The following ZNF207 variants were observed in gnomAD, a reference collection of about 807,000 sequenced individuals.
The protein encoded by ZNF207 is zinc finger protein 207, also known as BUB3-interacting and GLEBS motif-containing protein ZNF207.
ZNF207 carries 24 observed loss-of-function variants against 60.2 expected under a neutral mutation model. That is an observed-to-expected ratio of 0.40 (90% CI 0.29 to 0.56). The LOEUF (loss-of-function observed/expected upper bound fraction) is 0.56, where lower values mean the gene tolerates loss of function less well. Ranked by LOEUF, ZNF207 falls within the 20% of genes least tolerant of loss-of-function variation. ZNF207 has a pLI of 0.49. For missense variants in ZNF207, 452 were observed against 636.6 expected, an observed-to-expected ratio of 0.71 and a Z score of 3.12; for synonymous variants, 236 against 194.7, an observed-to-expected ratio of 1.21 and a Z score of -1.77.
intron 9 of ZNF207, among the ~76,000 whole-genome samples, chr17:32,367,282 T>TATATATATAAA (rs1445385221): frequency 4.8e-5 from 4 of 82,860 alleles, no homozygotes; most frequent in Non-Finnish European, 6.5e-5. Flanking sequence ...TATATATATA[T>TATATATATAAA]ATAAAGAATA....
In ZNF207 at chr17:32,354,258, T is replaced by C. The variant is rs1215710206; in HGVS notation, c.168+2346T>C. Reference sequence around the variant, plus strand: ...GCCTCCCAAAGTGCTGGAATTACAGTTGTGAGCCACTGAGCCCGGCCATTT... The same window carrying C: ...GCCTCCCAAAGTGCTGGAATTACAGCTGTGAGCCACTGAGCCCGGCCATTT... On this transcript the variant is annotated intron_variant, in intron 2 of 11. Coordinates refer to ENST00000394670, the MANE Select transcript of ZNF207 (RefSeq NM_001098507.2). Among the ~76,000 whole-genome samples the C allele has an allele frequency of 2.0e-5, 3 of 151,400 alleles. No individual in the cohort carries two copies. The East Asian group carries it at 5.8e-4, about 30-fold the overall frequency.
At chr17:32,351,756 C>T in intron 1 of ZNF207, 30 bp from the exon 2 acceptor site, 7 of 1,608,264 alleles carry the variant, frequency 4.4e-6, no homozygotes, top group Non-Finnish European at 4.2e-6. Flanking sequence ...CATCATTAGG[C>T]TGTCTTTGTG....
In ZNF207 at chr17:32,381,074, C is replaced by A. The variant is rs1051188733; in HGVS notation, c.*11315C>A. ...TAAAGTCAAGTGTTCAATTACTACA[C>A]CAGGAAAGATTGATTATTTCTGAGG... On this transcript the variant is annotated 3_prime_UTR_variant, in exon 12 of 12. Coordinates refer to ENST00000394670, the MANE Select transcript of ZNF207 (RefSeq NM_001098507.2). The A allele has an allele frequency of 2.6e-5, 4 of 152,122 alleles. No individual in the cohort carries two copies. Among genetic ancestry groups the A allele is most frequent in the African/African-American group, 9.7e-5 (4 of 41,418 alleles). The allele number at this position is 152,122 out of a possible 1,614,324, so 9.4% of individuals were successfully genotyped here. A position where few individuals can be genotyped will look rare whatever the true frequency, so the allele number is the denominator to read the frequency against.
intron 3 of ZNF207, among the ~76,000 whole-genome samples, chr17:32,358,895 G>T (rs1025720424): frequency 6.6e-6 from 1 of 151,752 alleles, no homozygotes; most frequent in African/African-American, 2.4e-5. Flanking sequence ...TGCTTCCCAG[G>T]TTCAAGCCAT....
intron 7 of ZNF207, among the ~76,000 whole-genome samples, chr17:32,365,037 C>A (rs1057050682): frequency 1.3e-5 from 2 of 152,124 alleles, no homozygotes; most frequent in Admixed American, 1.3e-4. Context: ...TGAAATAATT[C>A]TTTTATATAT....
Position 32,369,386 on chromosome 17 carries a change from G to C in ZNF207, c.1256G>C (p.Gly419Ala). ...PIGNPPVGPI[G>A]GMMPPQPGIP... ...GGTAATCCACCAGTTGGACCAATTG[G>C]AGGTATGATGCCACCACAGCCAGGC... Residue 419 changes from glycine to alanine, a missense_variant, in exon 11 of 12, where the codon GGA becomes GCA. By Grantham distance (60) the Gly-to-Ala change is moderately conservative. Coordinates refer to ENST00000394670, the MANE Select transcript of ZNF207 (RefSeq NM_001098507.2). 1.9e-6 allele frequency: 3 copies of C among 1,614,134 alleles called. No individual in the cohort carries two copies. Among genetic ancestry groups the C allele is most frequent in the Non-Finnish European group, 2.5e-6 (3 of 1,180,040 alleles).
intron 9 of ZNF207, 42 bp downstream of exon 9, chr17:32,366,799 A>G: frequency 4.5e-6 from 7 of 1,550,262 alleles, no homozygotes; most frequent in Non-Finnish European, 6.1e-6. Context: ...AAATGGCTTT[A>G]TAACTTAACC....
rs1436977580 is a variant in ZNF207 at position 32,376,635 on chromosome 17, A to G, written c.*6876A>G. The G allele has an allele frequency of 1.3e-5, 2 of 152,048 alleles. No individual in the cohort carries two copies. Among genetic ancestry groups the G allele is most frequent in the Non-Finnish European group, 2.9e-5 (2 of 67,908 alleles). The allele number at this position is 152,048 out of a possible 1,614,324, so 9.4% of individuals were successfully genotyped here. A position where few individuals can be genotyped will look rare whatever the true frequency, so the allele number is the denominator to read the frequency against. On this transcript the variant is annotated 3_prime_UTR_variant, in exon 12 of 12. Coordinates refer to ENST00000394670, the MANE Select transcript of ZNF207 (RefSeq NM_001098507.2). ...TAGGTCTTCGCTGAAACTAATTTGA[A>G]CTATTCCTATTTGAAGCAAATTGAA...
At position 32,369,603 on chromosome 17, in the gene ZNF207, G is replaced by T; in HGVS notation, c.1329G>T (p.Gln443His). ...GTTTGAAATTCTTGATTTTAGGTCAGTATGGTGGTCATCATCAAGGCATGC... is the reference window on the plus strand; with the variant it reads ...GTTTGAAATTCTTGATTTTAGGTCATTATGGTGGTCATCATCAAGGCATGC... Reference protein sequence around the residue: ...GMRPPMPPHGQYGGHHQGMPG... With the variant: ...GMRPPMPPHGHYGGHHQGMPG... The change falls in exon 12 of 12, where the codon CAG becomes CAT. Residue 443 changes from glutamine to histidine, a missense_variant. This residue lies in a region of ZNF207 where 390 missense variants were observed against 461.4 expected (regional missense o/e 0.85). Transcript: ENST00000394670. 1 of 1,567,634 alleles carries T rather than the reference G, an allele frequency of 6.4e-7. No individual in the cohort carries two copies. The highest frequency in any genetic ancestry group is 8.7e-7 in the Non-Finnish European group (1 of 1,155,524).
rs773957027 is a variant in ZNF207 at position 32,365,501 on chromosome 17, C to A, written c.828+14C>A. 3.5e-5 allele frequency: 57 copies of A among 1,612,854 alleles called. No individual in the cohort carries two copies. Among genetic ancestry groups the A allele is most frequent in the Non-Finnish European group, 4.5e-5 (53 of 1,179,578 alleles). On this transcript the variant is annotated intron_variant, in intron 8 of 11. Coordinates refer to ENST00000394670, the MANE Select transcript of ZNF207 (RefSeq NM_001098507.2). ...AGTGCTGGACAGGTAAGGTGAAAATCCTGAAAAGGAGTGCACTTATATTTA... is the reference window on the plus strand; with the variant it reads ...AGTGCTGGACAGGTAAGGTGAAAATACTGAAAAGGAGTGCACTTATATTTA...
At chr17:32,365,747 T>G (rs1186043176) in intron 8 of ZNF207, among the ~76,000 whole-genome samples, 8 of 151,296 alleles carry the variant, frequency 5.3e-5, no homozygotes, top group South Asian at 2.1e-4. Context: ...AGTTTTTTTT[T>G]TTTTTTTTTT....
rs1334203416 is a variant in ZNF207, at chr17:32,378,034, A to G, written c.*8275A>G. 1.3e-5 allele frequency: 2 copies of G among 152,486 alleles called. No homozygotes were observed. The highest frequency in any genetic ancestry group is 2.9e-5 in the Non-Finnish European group (2 of 67,896). 9.4% of individuals were successfully genotyped at this position (152,486 alleles called of 1,614,324 possible). ...TCCTATTTTTTTCAAACATATCCATATAACTCACACAAGGAAGAAAGCTGT... is the reference window on the plus strand; with the variant it reads ...TCCTATTTTTTTCAAACATATCCATGTAACTCACACAAGGAAGAAAGCTGT... On this transcript the variant is annotated 3_prime_UTR_variant, in exon 12 of 12. Transcript: ENST00000394670.
rs547376215 is a variant in ZNF207 at position 32,367,424 on chromosome 17, T to TA, written c.922-343dup. 3.1e-4 allele frequency among the ~76,000 whole-genome samples: 47 copies of TA among 151,584 alleles called. No individual in the cohort carries two copies. In the South Asian group the frequency reaches 9.1e-3, roughly 29 times the overall value. On this transcript the variant is annotated intron_variant, in intron 9 of 11. Transcript: ENST00000394670. ...GATTAATAACTAATTAATAGAACAT[T>TA]AAAAATAGAACACATGCTATTCTAA...
chr17:32,364,485 G>A (rs1905069298), intron 7 of ZNF207, among the ~76,000 whole-genome samples: 2 of 150,922 alleles, frequency 1.3e-5, no homozygotes, highest in South Asian at 4.2e-4. Context: ...TCAGCCTCCT[G>A]AGTAGCTGGG....
intron 6 of ZNF207, 107 bp downstream of exon 6, chr17:32,361,622 C>T: frequency 1.0e-6 from 1 of 1,000,918 alleles, no homozygotes; most frequent in East Asian, 2.8e-5. Context: ...ATTTTCTAAC[C>T]TTCCTCACTA....
chr17:32,355,625 C>G (rs1041968115), intron 2 of ZNF207, among the ~76,000 whole-genome samples: 53 of 152,192 alleles, frequency 3.5e-4, no homozygotes, highest in Non-Finnish European at 5.3e-4. Flanking sequence ...TAGTTTAAGC[C>G]GCGCTACCAG....
intron 7 of ZNF207, among the ~76,000 whole-genome samples, chr17:32,363,221 G>A (rs1904981475): frequency 6.6e-6 from 1 of 152,082 alleles, no homozygotes; most frequent in South Asian, 2.1e-4. Flanking sequence ...CTGAGTAGCT[G>A]GGATTACAGG....
At position 32,376,753 on chromosome 17, in the gene ZNF207, TTA is replaced by T. The variant is rs1442334483; in HGVS notation, c.*6996_*6997del. On this transcript the variant is annotated 3_prime_UTR_variant, in exon 12 of 12. Coordinates refer to ENST00000394670, the MANE Select transcript of ZNF207 (RefSeq NM_001098507.2). ...CAATCCGTTATGAGAATGTTTATGTTTATGTTTTAATTTTTATCAAAATAACC... is the reference window on the plus strand; with the variant it reads ...CAATCCGTTATGAGAATGTTTATGTTTGTTTTAATTTTTATCAAAATAACC... 3 of 152,102 alleles carry T rather than the reference TTA, an allele frequency of 2.0e-5. No individual in the cohort carries two copies. In the East Asian group the frequency reaches 5.8e-4, roughly 29 times the overall value. The allele number at this position is 152,102 out of a possible 1,614,324, so 9.4% of individuals were successfully genotyped here. A position where few individuals can be genotyped will look rare whatever the true frequency, so the allele number is the denominator to read the frequency against.
chr17:32,378,760 C>T lies in ZNF207; in HGVS notation c.*9001C>T, dbSNP rs1238699166. 1.3e-5 allele frequency: 2 copies of T among 151,940 alleles called. No homozygotes were observed. The highest frequency in any genetic ancestry group is 2.9e-5 in the Non-Finnish European group (2 of 67,884). 9.4% of individuals were successfully genotyped at this position (151,940 alleles called of 1,614,324 possible). On this transcript the variant is annotated 3_prime_UTR_variant, in exon 12 of 12. Transcript: ENST00000394670. ...ACCATCCTCTAAAGATTTCCTTTAA[C>T]CTCTAAATGTTGTGCTTTTAGGTTG...
Sources: allele counts gnomAD v4.1 joint callset (sites outside exome capture counted in the v4.1 genomes callset), GRCh38; gene constraint gnomAD v4.1.1; regional missense constraint gnomAD v4.1.1; transcripts MANE v1.5; gene names NCBI Gene and HGNC (gene_info 2026-07-23, HGNC 2026-07-21).